Variants in DSCAM observed in about 807,000 individuals in gnomAD.
The protein encoded by DSCAM is DS cell adhesion molecule.
A neutral mutation model predicts 217.7 loss-of-function variants in DSCAM; 47 were observed. That is an observed-to-expected ratio of 0.22 (90% CI 0.17 to 0.28). The LOEUF (loss-of-function observed/expected upper bound fraction) is 0.28. Among genes scored for constraint, DSCAM ranks in the 10% least tolerant of loss-of-function variants. The pLI, the probability that DSCAM is intolerant of heterozygous loss-of-function variation, is 1.00. For missense variants in DSCAM, 2,080 were observed against 2,618.3 expected, an observed-to-expected ratio of 0.79 and a Z score of 4.49; for synonymous variants, 1,056 against 1,015.3, an observed-to-expected ratio of 1.04 and a Z score of -0.76.
At chr21:40,554,664 C>G (rs772990661) in intron 3 of DSCAM, among the ~76,000 whole-genome samples, 9 of 152,152 alleles carry the variant, frequency 5.9e-5, no homozygotes, top group Non-Finnish European at 1.0e-4. Flanking sequence ...CTGTATTGCA[C>G]TAAATTATTT....
chr21:40,378,554 A>ATTTTTTTTT (rs71186931), intron 3 of DSCAM, among the ~76,000 whole-genome samples: 3 of 75,650 alleles, frequency 4.0e-5, no homozygotes, highest in African/African-American at 5.1e-5. Context: ...ATGAAAACTT[A>ATTTTTTTTT]TTTTTTTTTT....
At chr21:40,292,423 G>A (rs2073904592) in intron 10 of DSCAM, among the ~76,000 whole-genome samples, 1 of 151,126 alleles carries the variant, frequency 6.6e-6, no homozygotes, top group African/African-American at 2.4e-5. Flanking sequence ...AGGCTAAATT[G>A]TTCTTAAGAA....
intron 11 of DSCAM, among the ~76,000 whole-genome samples, chr21:40,196,518 C>T (rs1568994458): frequency 6.6e-6 from 1 of 152,078 alleles, no homozygotes; most frequent in Non-Finnish European, 1.5e-5. Context: ...TGGATTGAAA[C>T]AACTCAATCC....
chr21:40,644,076 G>T (rs1468874892), intron 3 of DSCAM, among the ~76,000 whole-genome samples: 1 of 152,122 alleles, frequency 6.6e-6, no homozygotes, highest in Non-Finnish European at 1.5e-5. Flanking sequence ...TAATTCAGTT[G>T]GTCCAAGACT....
chr21:40,613,017 C>T (rs1231020734), intron 3 of DSCAM, among the ~76,000 whole-genome samples: 1 of 152,160 alleles, frequency 6.6e-6, no homozygotes, highest in African/African-American at 2.4e-5. Flanking sequence ...TTGGTGGCCA[C>T]TTGACCAAGA....
chr21:40,168,574 G>A (rs79569881), intron 15 of DSCAM, among the ~76,000 whole-genome samples: 28,416 of 152,138 alleles, frequency 0.19, 2,809 homozygotes, highest in East Asian at 0.22. Flanking sequence ...ACTACAGAAA[G>A]CCAGTTCTGT....
At chr21:40,227,599 C>T (rs2091344820) in intron 11 of DSCAM, among the ~76,000 whole-genome samples, 1 of 152,182 alleles carries the variant, frequency 6.6e-6, no homozygotes, top group Non-Finnish European at 1.5e-5. Flanking sequence ...TCTGTAGCTA[C>T]AGAGTACCAC....
chr21:40,524,877 G>GCATGCAC lies in DSCAM; in HGVS notation c.509-155639_509-155633dup, dbSNP rs1473412235. 5.3e-5 allele frequency among the ~76,000 whole-genome samples: 8 copies of GCATGCAC among 151,948 alleles called. No individual in the cohort carries two copies. In the East Asian group the frequency reaches 1.5e-3, roughly 29 times the overall value. ...ATACAAAAATTAGCCAGGCGTGGTG[G>GCATGCAC]CATGCACCTATAATCCCAGCTACTC... On this transcript the variant is annotated intron_variant, in intron 3 of 32. Transcript: ENST00000400454.
chr21:40,523,977 A>C (rs2076380325), intron 3 of DSCAM, among the ~76,000 whole-genome samples: 1 of 152,176 alleles, frequency 6.6e-6, no homozygotes, highest in South Asian at 2.1e-4. Context: ...GAGGGGGACA[A>C]AGGGACTTTT....
At position 40,102,356 on chromosome 21, in the gene DSCAM, G is replaced by A. The variant is rs2089762446; in HGVS notation, c.3697-8482C>T. On this transcript the variant is annotated intron_variant, in intron 20 of 32. Transcript: ENST00000400454. ...AAATACAGTAAATGGGATAAATCTT[G>A]TGACACCCAAGCCAGAGCGTTCACA... 2.0e-5 allele frequency among the ~76,000 whole-genome samples: 3 copies of A among 152,272 alleles called. No homozygotes were observed. The East Asian group carries it at 5.8e-4, about 29-fold the overall frequency.
chr21:40,537,990 C>G (rs1281986138), intron 3 of DSCAM, among the ~76,000 whole-genome samples: 1 of 152,122 alleles, frequency 6.6e-6, no homozygotes, highest in Non-Finnish European at 1.5e-5. Context: ...CTCTGGATCT[C>G]AGAGAGAGCG....
intron 3 of DSCAM, among the ~76,000 whole-genome samples, chr21:40,582,651 T>C (rs906256720): frequency 6.6e-6 from 1 of 151,972 alleles, no homozygotes; most frequent in Non-Finnish European, 1.5e-5. Context: ...TGGGATTCTG[T>C]ACATATACTA....
At chr21:40,018,176 AAAAATTGAAT>A (rs1409287993) in intron 32 of DSCAM, among the ~76,000 whole-genome samples, 1 of 152,244 alleles carries the variant, frequency 6.6e-6, no homozygotes, top group South Asian at 2.1e-4. Context: ...GTCATTAAGA[AAAAATTGAAT>A]AATTCTTTTG....
intron 11 of DSCAM, among the ~76,000 whole-genome samples, chr21:40,226,742 A>C (rs2091336350): frequency 6.6e-6 from 1 of 152,162 alleles, no homozygotes; most frequent in Non-Finnish European, 1.5e-5. Flanking sequence ...CAATTATTTA[A>C]CATTTTTTAA....
At chr21:40,790,071 T>A (rs1244837643) in intron 1 of DSCAM, among the ~76,000 whole-genome samples, 1 of 152,122 alleles carries the variant, frequency 6.6e-6, no homozygotes, top group Non-Finnish European at 1.5e-5. Flanking sequence ...ACGGATGATT[T>A]CTTATCCTTT....
chr21:40,824,186 A>G (rs1230204814), intron 1 of DSCAM, among the ~76,000 whole-genome samples: 3 of 152,006 alleles, frequency 2.0e-5, no homozygotes, highest in Non-Finnish European at 4.4e-5. Context: ...CTAGTGGCAG[A>G]TCATCTCACC....
chr21:40,095,670 T>A (rs2089667064), intron 20 of DSCAM, among the ~76,000 whole-genome samples: 2 of 152,164 alleles, frequency 1.3e-5, no homozygotes, highest in South Asian at 4.1e-4. Flanking sequence ...CACTGAATTG[T>A]TGAAGTTAAA....
intron 3 of DSCAM, among the ~76,000 whole-genome samples, chr21:40,586,843 G>A (rs1221172000): frequency 1.3e-5 from 2 of 152,138 alleles, no homozygotes. Flanking sequence ...CAATATGACA[G>A]TCTTAATAGC....
intron 3 of DSCAM, among the ~76,000 whole-genome samples, chr21:40,665,229 T>C (rs1385371522): frequency 6.6e-6 from 1 of 151,808 alleles, no homozygotes; most frequent in African/African-American, 2.4e-5. Flanking sequence ...AAATTCAGAG[T>C]GAGTAGTCAA....
Sources: allele counts gnomAD v4.1 joint callset (sites outside exome capture counted in the v4.1 genomes callset), GRCh38; gene constraint gnomAD v4.1.1; transcripts MANE v1.5; gene names NCBI Gene and HGNC (gene_info 2026-07-23, HGNC 2026-07-21).